Variants in FOXN3 observed in about 807,000 individuals in gnomAD.
The protein encoded by FOXN3 is forkhead box N3.
A neutral mutation model predicts 38.4 loss-of-function variants in FOXN3; 7 were observed. That is an observed-to-expected ratio of 0.18 (90% CI 0.10 to 0.34). The LOEUF (loss-of-function observed/expected upper bound fraction) is 0.34, where lower values mean the gene tolerates loss of function less well. Among genes scored for constraint, FOXN3 ranks in the 10% least tolerant of loss-of-function variants. The pLI is 1.00. For synonymous variants in FOXN3, 230 were observed against 242.2 expected (o/e 0.95, Z 0.47); for missense variants, 456 against 613.4 (o/e 0.74, Z 2.71).
intron 1 of FOXN3, among the ~76,000 whole-genome samples, chr14:89,552,701 A>G (rs1021677339): frequency 6.6e-6 from 1 of 152,212 alleles, no homozygotes; most frequent in African/African-American, 2.4e-5. Flanking sequence ...TCTACTAAAA[A>G]TACAAAAGTT....
chr14:89,241,990 A>G (rs142128535), intron 4 of FOXN3, among the ~76,000 whole-genome samples: 33 of 152,294 alleles, frequency 2.2e-4, no homozygotes, highest in African/African-American at 7.2e-4. Flanking sequence ...GGTAGGTCAC[A>G]TGCTTTCAGT....
intron 3 of FOXN3, among the ~76,000 whole-genome samples, chr14:89,303,858 G>A (rs1353696726): frequency 6.6e-6 from 1 of 152,156 alleles, no homozygotes; most frequent in Non-Finnish European, 1.5e-5. Context: ...TTAACTTGGA[G>A]CCCAGGCAAC....
chr14:89,384,564 A>G (rs1890741963), intron 2 of FOXN3, among the ~76,000 whole-genome samples: 1 of 152,252 alleles, frequency 6.6e-6, no homozygotes, highest in Admixed American at 6.5e-5. Flanking sequence ...TCTAGATTAA[A>G]AAAAACTTCC....
chr14:89,416,490 A>C (rs1016636954), intron 1 of FOXN3, among the ~76,000 whole-genome samples: 1 of 152,046 alleles, frequency 6.6e-6, no homozygotes, highest in Non-Finnish European at 1.5e-5. Flanking sequence ...AAGTCTGCAC[A>C]GTTTGGCCGG....
At chr14:89,235,780 T>C (rs1884961100) in intron 4 of FOXN3, among the ~76,000 whole-genome samples, 1 of 146,658 alleles carries the variant, frequency 6.8e-6, no homozygotes, top group Admixed American at 6.6e-5. Flanking sequence ...AGATGGAGGA[T>C]GGGGCCACAA....
At chr14:89,607,757 A>G (rs544823897) in intron 1 of FOXN3, among the ~76,000 whole-genome samples, 2 of 152,194 alleles carry the variant, frequency 1.3e-5, no homozygotes, top group Non-Finnish European at 2.9e-5. Context: ...GTCAATCTGG[A>G]TTAAGTGTAG....
At chr14:89,199,010 G>A (rs1425808051) in intron 4 of FOXN3, among the ~76,000 whole-genome samples, 1 of 152,222 alleles carries the variant, frequency 6.6e-6, no homozygotes, top group Non-Finnish European at 1.5e-5. Context: ...GTAAGTAAGA[G>A]CCATACCCTT....
At chr14:89,445,453 A>G (rs1181877759) in intron 1 of FOXN3, among the ~76,000 whole-genome samples, 1 of 152,196 alleles carries the variant, frequency 6.6e-6, no homozygotes, top group African/African-American at 2.4e-5. Flanking sequence ...TTTGCTGGGC[A>G]AGAGGCACTT....
chr14:89,349,240 A>G (rs1888874818), intron 3 of FOXN3, among the ~76,000 whole-genome samples: 1 of 152,190 alleles, frequency 6.6e-6, no homozygotes, highest in South Asian at 2.1e-4. Flanking sequence ...AAAACCAAGC[A>G]TATGGCTCTG....
At chr14:89,298,469 A>AT (rs1300310557) in intron 3 of FOXN3, among the ~76,000 whole-genome samples, 10 of 111,428 alleles carry the variant, frequency 9.0e-5, no homozygotes, top group Non-Finnish European at 1.7e-4. Context: ...GACTCCGTCT[A>AT]TTTAAAAAAA....
chr14:89,414,740 A>C (rs1411003635), intron 1 of FOXN3, among the ~76,000 whole-genome samples: 1 of 151,834 alleles, frequency 6.6e-6, no homozygotes, highest in Non-Finnish European at 1.5e-5. Context: ...TTTTAGTAAG[A>C]CGGGGTTTCA....
intron 4 of FOXN3, among the ~76,000 whole-genome samples, chr14:89,189,342 T>C (rs898255104): frequency 4.6e-5 from 7 of 152,232 alleles, no homozygotes; most frequent in African/African-American, 1.7e-4. Flanking sequence ...GCAAGCCATG[T>C]GGCCCTCAGA....
intron 1 of FOXN3, among the ~76,000 whole-genome samples, chr14:89,557,706 G>C (rs999056991): frequency 6.6e-6 from 1 of 152,128 alleles, no homozygotes; most frequent in African/African-American, 2.4e-5. Context: ...CTCATGTTAT[G>C]CAAGAATGAG....
At chr14:89,509,348 GT>G (rs869281656) in intron 1 of FOXN3, among the ~76,000 whole-genome samples, 4 of 142,038 alleles carry the variant, frequency 2.8e-5, no homozygotes, top group Admixed American at 7.3e-5. Context: ...TTGTTTGTTT[GT>G]TTTAAGATGG....
At chr14:89,336,245 T>TCCATCCAC (rs1888457930) in intron 3 of FOXN3, among the ~76,000 whole-genome samples, 2 of 150,876 alleles carry the variant, frequency 1.3e-5, no homozygotes, top group Admixed American at 6.6e-5. Context: ...CATCCATCCA[T>TCCATCCAC]CCATTCATCC....
intron 1 of FOXN3, among the ~76,000 whole-genome samples, chr14:89,595,273 C>T (rs985717924): frequency 8.6e-5 from 13 of 151,612 alleles, no homozygotes; most frequent in African/African-American, 3.2e-4. Context: ...TGCAGTGAGC[C>T]GAGATCACGC....
At chr14:89,225,846 T>C (rs1409143933) in intron 4 of FOXN3, among the ~76,000 whole-genome samples, 1 of 152,102 alleles carries the variant, frequency 6.6e-6, no homozygotes, top group Admixed American at 6.6e-5. Context: ...CCCATCAGGC[T>C]CTCTGAAAGG....
At position 89,159,584 on chromosome 14, in the gene FOXN3, G is replaced by T. The variant is rs1383911536; in HGVS notation, c.*2830C>A. On this transcript the variant is annotated 3_prime_UTR_variant, in exon 6 of 6. Transcript: ENST00000557258. ...GCCCCTTTAGAAAAATGAAATGAGGGGAGACAGCCCACGGTGGGGGTTTTA... is the reference window on the plus strand; with the variant it reads ...GCCCCTTTAGAAAAATGAAATGAGGTGAGACAGCCCACGGTGGGGGTTTTA... 6.6e-6 allele frequency: 1 copy of T among 152,378 alleles called. No individual in the cohort carries two copies. The highest frequency in any genetic ancestry group is 1.5e-5 in the Non-Finnish European group (1 of 68,032). 9.4% of individuals were successfully genotyped at this position (152,378 alleles called of 1,614,324 possible).
At chr14:89,222,450 G>A (rs1884497324) in intron 4 of FOXN3, among the ~76,000 whole-genome samples, 1 of 152,166 alleles carries the variant, frequency 6.6e-6, no homozygotes, top group Non-Finnish European at 1.5e-5. Flanking sequence ...ACAGCCAGAG[G>A]GCAGGGGACG....
Sources: gnomAD v4.1 joint callset for allele counts (sites outside exome capture counted in the v4.1 genomes callset) on GRCh38, gnomAD v4.1.1 for gene constraint, MANE v1.5 for transcripts, NCBI Gene and HGNC (gene_info 2026-07-23, HGNC 2026-07-21) for gene names.